Variants in MTOR observed in about 807,000 individuals in gnomAD.
MTOR encodes the protein mechanistic target of rapamycin kinase.
Under a neutral mutation model 319.8 loss-of-function variants are expected in MTOR, and 70 were observed. The ratio of observed to expected loss-of-function variants is 0.22; its 90% CI spans 0.18 to 0.27. MTOR has a LOEUF of 0.27. Ranked by LOEUF, MTOR falls within the 10% of genes least tolerant of loss-of-function variation. The pLI is 1.00. For synonymous variants in MTOR, 1,183 were observed against 1,211.4 expected, an observed-to-expected ratio of 0.98 and a Z score of 0.49; for missense variants, 1,890 against 3,274.4, an observed-to-expected ratio of 0.58 and a Z score of 10.32.
At chr1:11,165,406 C>T (rs1644611511) in intron 29 of MTOR, among the ~76,000 whole-genome samples, 1 of 152,188 alleles carries the variant, frequency 6.6e-6, no homozygotes, top group African/African-American at 2.4e-5. Flanking sequence ...TCTCAGAATA[C>T]AAAATCAATG....
rs1357244142 is a variant in MTOR, at chr1:11,241,461, GC to G, written c.1541+91del. 3 of 1,457,704 alleles carry G rather than the reference GC, an allele frequency of 2.1e-6. No homozygotes were observed. The Admixed American group carries it at 7.3e-5, about 35-fold the overall frequency. 90.3% of individuals were successfully genotyped at this position (1,457,704 alleles called of 1,614,324 possible). On this transcript the variant is annotated intron_variant, in intron 10 of 57. Transcript: ENST00000361445. ...CTATCCTGTCCATCCAGTTGAATGTGCAAACAACCATGCCTCATTCTTTTAA... is the reference window on the plus strand; with the variant it reads ...CTATCCTGTCCATCCAGTTGAATGTGAAACAACCATGCCTCATTCTTTTAA...
At chr1:11,189,493 G>C (rs1305775550) in intron 28 of MTOR, 2 of 1,462,904 alleles carry the variant, frequency 1.4e-6, no homozygotes, top group Non-Finnish European at 1.8e-6. Context: ...GTAAGGTTCA[G>C]TCAGCCTGCT....
At chr1:11,122,447 T>G (rs1464543314) in intron 47 of MTOR, among the ~76,000 whole-genome samples, 1 of 151,016 alleles carries the variant, frequency 6.6e-6, no homozygotes, top group African/African-American at 2.4e-5. Flanking sequence ...ATGATCCGCC[T>G]GCCTCGGCCT....
At chr1:11,231,219 A>G in intron 17 of MTOR, 81 bp downstream of exon 17, 1 of 1,596,484 alleles carries the variant, frequency 6.3e-7, no homozygotes, top group Non-Finnish European at 8.6e-7. Context: ...ACACTGTCAG[A>G]GCATGTTAAT....
intron 35 of MTOR, 33 bp from the exon 36 acceptor site, chr1:11,139,468 A>T: frequency 6.2e-7 from 1 of 1,614,128 alleles, no homozygotes; most frequent in Non-Finnish European, 8.5e-7. Flanking sequence ...TTATAGACAG[A>T]ACTGGACAGC....
intron 29 of MTOR, among the ~76,000 whole-genome samples, chr1:11,165,706 G>T (rs1223395557): frequency 6.6e-6 from 1 of 151,956 alleles, no homozygotes; most frequent in Non-Finnish European, 1.5e-5. Flanking sequence ...TCCCCATCAA[G>T]CTACCAATGA....
In MTOR at chr1:11,209,454, T is replaced by A; in HGVS notation, c.3659A>T (p.Tyr1220Phe). ...DVLICRIVKG[Y>F]TLADEEEDPL... Reference sequence around the variant, plus strand: ...ATCCTCCTCTTCATCAGCAAGTGTGTATCCCTACAACCAAAGATTTATAGG... The same window carrying A: ...ATCCTCCTCTTCATCAGCAAGTGTGAATCCCTACAACCAAAGATTTATAGG... The change falls in exon 25 of 58, where the codon TAC (tyrosine) becomes TTC (phenylalanine). Residue 1220 changes from tyrosine (Y) to phenylalanine (F), a missense_variant. Coordinates refer to ENST00000361445, the MANE Select transcript of MTOR (RefSeq NM_004958.4). 6.2e-7 allele frequency: 1 copy of A among 1,614,156 alleles called. No homozygotes were observed. The highest frequency in any genetic ancestry group is 1.3e-5 in the African/African-American group (1 of 75,048).
At chr1:11,234,322 CTG>C (rs1647122613) in intron 13 of MTOR, 57 bp from the exon 14 acceptor site, 3 of 1,530,818 alleles carry the variant, frequency 2.0e-6, no homozygotes, top group Admixed American at 2.1e-5. Flanking sequence ...TAGAGAGAGA[CTG>C]TGTCCAACAG....
rs1648335463 is a variant in MTOR, at chr1:11,243,278, G to A, written c.1248C>T (p.Thr416=). The A allele has an allele frequency of 6.2e-7, 1 of 1,614,080 alleles. No individual in the cohort carries two copies. Among genetic ancestry groups the A allele is most frequent in the Non-Finnish European group, 8.5e-7 (1 of 1,180,006 alleles). Residue 416 remains threonine, a synonymous_variant, in exon 9 of 58, where the codon ACC becomes ACT. Coordinates refer to ENST00000361445, the MANE Select transcript of MTOR (RefSeq NM_004958.4). ...TGACACAGCTTAGGACATGGTTCAT[G>A]GTATCTTGGAGATACTGGGTATCTG... ...AFTDTQYLQD[T]MNHVLSCVKK...
At position 11,256,166 on chromosome 1, in the gene MTOR, G is replaced by C; in HGVS notation, c.531C>G (p.Ile177Met). 1 of 1,614,132 alleles carries C rather than the reference G, an allele frequency of 6.2e-7. No homozygotes were observed. The highest frequency in any genetic ancestry group is 1.3e-5 in the African/African-American group (1 of 75,060). ...GCTGGAAGAAGAAGGTAGGGACGCT[G>C]ATGGCCAGCTCACGGAGAACCAGGA... is the stretch of plus-strand genomic sequence containing the variant. ...AAVLVLRELA[I>M]SVPTFFFQQV... The change falls in exon 5 of 58, where the codon ATC becomes ATG. Residue 177 changes from isoleucine to methionine, a missense_variant. Around this residue, in one of 15 missense-constraint regions of MTOR, gnomAD observed 81 missense variants for 203.6 expected, o/e 0.40. Transcript: ENST00000361445.
At chr1:11,124,748 G>A (rs1238088434) in intron 46 of MTOR, 115 bp from the exon 47 acceptor site, 7 of 1,167,644 alleles carry the variant, frequency 6.0e-6, no homozygotes, top group East Asian at 5.0e-5. Flanking sequence ...CTAATCACAC[G>A]TTCCTCACAA....
At chr1:11,254,564 G>A (rs1557493090) in intron 5 of MTOR, among the ~76,000 whole-genome samples, 1 of 149,910 alleles carries the variant, frequency 6.7e-6, no homozygotes, top group Non-Finnish European at 1.5e-5. Flanking sequence ...AGGCAAGACT[G>A]GAACCCGCAT....
intron 19 of MTOR, among the ~76,000 whole-genome samples, chr1:11,218,011 T>C (rs1422236717): frequency 6.6e-6 from 1 of 152,172 alleles, no homozygotes; most frequent in East Asian, 1.9e-4. Flanking sequence ...CTGGTCCCCA[T>C]GTGGCACACA....
chr1:11,166,724 C>T (rs1644656854), intron 29 of MTOR, among the ~76,000 whole-genome samples: 2 of 152,294 alleles, frequency 1.3e-5, no homozygotes, highest in South Asian at 4.1e-4. Flanking sequence ...TACCATTTAA[C>T]CCAGCCATAC....
intron 37 of MTOR, 88 bp downstream of exon 37, chr1:11,134,263 C>G: frequency 8.5e-7 from 1 of 1,174,792 alleles, no homozygotes; most frequent in Non-Finnish European, 1.2e-6. Flanking sequence ...ATCAGCCACC[C>G]AAGAAGCCTT....
intron 53 of MTOR, among the ~76,000 whole-genome samples, chr1:11,113,970 C>T (rs1257140286): frequency 1.3e-5 from 2 of 152,104 alleles, no homozygotes; most frequent in Non-Finnish European, 2.9e-5. Context: ...TTCTCCCCTT[C>T]ACTCTGTACT....
intron 45 of MTOR, 98 bp from the exon 46 acceptor site, chr1:11,126,894 G>A: frequency 1.3e-6 from 2 of 1,572,172 alleles, no homozygotes; most frequent in Non-Finnish European, 1.7e-6. Flanking sequence ...ACAATTACTT[G>A]TCCCAAAGCA....
intron 28 of MTOR, chr1:11,192,370 G>A (rs752886216): frequency 6.2e-7 from 1 of 1,608,482 alleles, no homozygotes; most frequent in Non-Finnish European, 8.5e-7. Context: ...CTGAACTGGA[G>A]GTGAGGTCAT....
Position 11,197,397 on chromosome 1 carries a change from T to C in MTOR, c.4253+1861A>G, listed in dbSNP as rs907883845. On this transcript the variant is annotated intron_variant, in intron 28 of 57. Transcript: ENST00000361445. ...ACAAAATCAGAAGTAAAAACTGCAA[T>C]TGGAAGCAAAAAAAGAAAGGTGATG... Among the ~76,000 whole-genome samples, 9 of 152,060 alleles carry C rather than the reference T, an allele frequency of 5.9e-5. No homozygotes were observed. In the East Asian group the frequency reaches 7.7e-4, roughly 13 times the overall value.
Sources: gnomAD v4.1 joint callset for allele counts (sites outside exome capture counted in the v4.1 genomes callset) on GRCh38, gnomAD v4.1.1 for gene constraint, gnomAD v4.1.1 regional missense constraint, MANE v1.5 for transcripts, NCBI Gene and HGNC (gene_info 2026-07-23, HGNC 2026-07-21) for gene names.